The following FANCM variants were observed in gnomAD, a reference collection of about 807,000 sequenced individuals.
FANCM encodes the protein Fanconi anemia group M protein.
Under a neutral mutation model 199.5 loss-of-function variants are expected in FANCM, and 140 were observed. The observed-to-expected ratio is 0.70, with a 90% CI of 0.61 to 0.81. The LOEUF (loss-of-function observed/expected upper bound fraction) is 0.81, where lower values mean the gene tolerates loss of function less well. Among genes scored for constraint, FANCM ranks in the 30% least tolerant of loss-of-function variants. The probability of loss-of-function intolerance (pLI) is 0.00; values close to 1 mark genes in which losing one functional copy is unlikely to be tolerated. For missense variants in FANCM, 2,410 were observed against 2,421.4 expected, an observed-to-expected ratio of 1.00 and a Z score of 0.10; for synonymous variants, 840 against 836.8, an observed-to-expected ratio of 1.00 and a Z score of -0.07.
chr14:45,167,184 A>G (rs777646297), intron 11 of FANCM, 21 bp downstream of exon 11: 6 of 1,419,866 alleles, frequency 4.2e-6, no homozygotes, highest in East Asian at 2.3e-5. Flanking sequence ...TTTGCATTTG[A>G]CACATGCATT....
In FANCM at chr14:45,190,637, T is replaced by C. The variant is rs143058036; in HGVS notation, c.5340+1275T>C. ...CTACTTCTCTTTATCCCCAAGGTGT[T>C]TCATCACACTCTGCCTTAGCCACAT... On this transcript the variant is annotated intron_variant, in intron 20 of 22. Transcript: ENST00000267430. Among the ~76,000 whole-genome samples the C allele has an allele frequency of 3.1e-3, 465 of 152,228 alleles. 4 individuals are homozygous for C. The highest frequency in any genetic ancestry group is 0.011 in the African/African-American group (450 of 41,534).
In FANCM at chr14:45,137,085, C is replaced by T. The variant is rs1594751744; in HGVS notation, c.525C>T (p.Ser175=). 5 of 1,612,844 alleles carry T rather than the reference C, an allele frequency of 3.1e-6. No homozygotes were observed. The highest frequency in any genetic ancestry group is 1.7e-4 in the Middle Eastern group (1 of 6,036). The change falls in exon 2 of 23, where the codon TCC becomes TCT. Residue 175 remains serine, a synonymous_variant. Coordinates refer to ENST00000267430, the MANE Select transcript of FANCM (RefSeq NM_020937.4). Reference sequence around the variant, plus strand: ...TATTTTCAGGGTCTACACAAGCTTCCACCAGGAAGGAAATATGGTGCAGTA... The same window carrying T: ...TATTTTCAGGGTCTACACAAGCTTCTACCAGGAAGGAAATATGGTGCAGTA... The part of the protein sequence containing the change: ...MAEMTGSTQA[S]TRKEIWCSKR...
chr14:45,150,162 A>G (rs1329109261), intron 4 of FANCM, among the ~76,000 whole-genome samples: 1 of 152,244 alleles, frequency 6.6e-6, no homozygotes, highest in Non-Finnish European at 1.5e-5. Context: ...CTTAATCTAT[A>G]GTAAGCCTTT....
intron 18 of FANCM, among the ~76,000 whole-genome samples, chr14:45,186,236 GAGA>G (rs1205955529): frequency 6.6e-6 from 1 of 152,150 alleles, no homozygotes; most frequent in Admixed American, 6.5e-5. Context: ...AGGCCTCATT[GAGA>G]AGGTGACATC....
rs190025756 is a variant in FANCM at position 45,177,920 on chromosome 14, C to T, written c.4222+944C>T. ...AGATTGAGACCAGACCACAAAAAAT[C>T]AGAGAAATCTCTGGGTTTCTGTAAT... On this transcript the variant is annotated intron_variant, in intron 14 of 22. Coordinates refer to ENST00000267430, the MANE Select transcript of FANCM (RefSeq NM_020937.4). Among the ~76,000 whole-genome samples the T allele has an allele frequency of 3.6e-3, 552 of 152,220 alleles. 4 individuals carry two copies. Among genetic ancestry groups the T allele is most frequent in the African/African-American group, 0.013 (534 of 41,540 alleles).
chr14:45,141,253 A>G lies in FANCM; in HGVS notation c.759+544A>G, dbSNP rs1348836585. Among the ~76,000 whole-genome samples, 4 of 144,748 alleles carry G rather than the reference A, an allele frequency of 2.8e-5. No homozygotes were observed. The East Asian group carries it at 8.3e-4, about 30-fold the overall frequency. The allele number at this position is 144,748 out of a possible 152,430, so 95.0% of individuals were successfully genotyped here. A position where few individuals can be genotyped will look rare whatever the true frequency, so the allele number is the denominator to read the frequency against. ...CAATGAGCCAAGATCTAGCCACTGCACTCCAGCCTGGGCGACAGAGCGAGG... is the reference window on the plus strand; with the variant it reads ...CAATGAGCCAAGATCTAGCCACTGCGCTCCAGCCTGGGCGACAGAGCGAGG... On this transcript the variant is annotated intron_variant, in intron 3 of 22. Coordinates refer to ENST00000267430, the MANE Select transcript of FANCM (RefSeq NM_020937.4).
intron 20 of FANCM, among the ~76,000 whole-genome samples, chr14:45,192,469 C>A (rs1889821814): frequency 6.6e-6 from 1 of 152,168 alleles, no homozygotes; most frequent in Non-Finnish European, 1.5e-5. Flanking sequence ...CAGTGAAACT[C>A]CGTCACTACT....
intron 4 of FANCM, among the ~76,000 whole-genome samples, chr14:45,149,991 C>T (rs958323713): frequency 1.3e-5 from 2 of 152,114 alleles, no homozygotes; most frequent in Non-Finnish European, 2.9e-5. Flanking sequence ...TGTTAAGGAC[C>T]TGCTTAGACA....
In FANCM at chr14:45,175,378, T is replaced by C. The variant is rs1594797856; in HGVS notation, c.2624T>C (p.Ile875Thr). The part of the protein sequence containing the change: ...QLKKENNHGI[I>T]DSVDNDRNST... Reference sequence around the variant, plus strand: ...AAAAAAGAAAATAATCACGGTATTATAGATTCTGTAGATAATGACAGAAAT... The same window carrying C: ...AAAAAAGAAAATAATCACGGTATTACAGATTCTGTAGATAATGACAGAAAT... The change falls in exon 14 of 23, where the codon ATA becomes ACA. Residue 875 changes from isoleucine to threonine, a missense_variant. Ile to Thr is a moderately conservative substitution (Grantham distance 89). Transcript: ENST00000267430. 22 of 1,559,366 alleles carry C rather than the reference T, an allele frequency of 1.4e-5. No homozygotes were observed. The highest frequency in any genetic ancestry group is 1.7e-5 in the Non-Finnish European group (20 of 1,147,422).
At chr14:45,160,801 A>C (rs1887551096) in intron 9 of FANCM, among the ~76,000 whole-genome samples, 1 of 152,086 alleles carries the variant, frequency 6.6e-6, no homozygotes, top group Admixed American at 6.5e-5. Context: ...TCGGCCTCCC[A>C]AAGTGCTGGG....
Position 45,189,194 on chromosome 14 carries a change from T to A in FANCM, c.5172T>A (p.Val1724=), listed in dbSNP as rs1889606752. 6.2e-7 allele frequency: 1 copy of A among 1,614,174 alleles called. No homozygotes were observed. Among genetic ancestry groups the A allele is most frequent in the Non-Finnish European group, 8.5e-7 (1 of 1,180,026 alleles). The part of the protein sequence containing the change: ...AQSKVRSTPR[V]NPLAKQSKQT... Reference sequence around the variant, plus strand: ...CCAAGGTGCGTTCTACTCCAAGAGTTAATCCATTAGCAAAGCAGAGCAAAC... The same window carrying A: ...CCAAGGTGCGTTCTACTCCAAGAGTAAATCCATTAGCAAAGCAGAGCAAAC... The change falls in exon 20 of 23, where the codon GTT becomes GTA. Residue 1724 remains valine, a synonymous_variant. Coordinates refer to ENST00000267430, the MANE Select transcript of FANCM (RefSeq NM_020937.4).
chr14:45,143,053 A>G (rs1886088100), intron 3 of FANCM, among the ~76,000 whole-genome samples: 1 of 152,032 alleles, frequency 6.6e-6, no homozygotes, highest in African/African-American at 2.4e-5. Context: ...CTTCTGCAAT[A>G]AAGATTTTTT....
At chr14:45,151,347 G>A in intron 4 of FANCM, 50 bp from the exon 5 acceptor site, 1 of 1,549,990 alleles carries the variant, frequency 6.5e-7, no homozygotes, top group South Asian at 1.1e-5. Context: ...GATTGTACTT[G>A]AAAAAGGACT....
At position 45,173,173 on chromosome 14, in the gene FANCM, G is replaced by A; in HGVS notation, c.2279G>A (p.Gly760Asp). ...TCAGATCGATGCCGCCATTTTATAG[G>A]CCTTATGCAAATGATAGAGGGAATG... ...DHSDRCRHFI[G>D]LMQMIEGMRH... Residue 760 changes from glycine to aspartate, a missense_variant, in exon 13 of 23, where the codon GGC becomes GAC. Physicochemically the swap from Gly to Asp is moderately conservative, Grantham distance 94. Transcript: ENST00000267430. The A allele has an allele frequency of 6.2e-7, 1 of 1,613,842 alleles. No individual in the cohort carries two copies. Among genetic ancestry groups the A allele is most frequent in the Non-Finnish European group, 8.5e-7 (1 of 1,179,832 alleles).
chr14:45,188,479 C>T (rs1889549388), intron 19 of FANCM, among the ~76,000 whole-genome samples: 1 of 151,994 alleles, frequency 6.6e-6, no homozygotes, highest in Non-Finnish European at 1.5e-5. Context: ...TTATAAATTG[C>T]CATGTTCAGC....
intron 11 of FANCM, 146 bp from the exon 12 acceptor site, chr14:45,170,443 T>G: frequency 1.7e-6 from 1 of 583,382 alleles, no homozygotes; most frequent in South Asian, 1.9e-5. Flanking sequence ...GGAGGATTGC[T>G]TGAACCCAGG....
chr14:45,140,982 T>A (rs766030028), intron 3 of FANCM, among the ~76,000 whole-genome samples: 19 of 152,052 alleles, frequency 1.2e-4, no homozygotes, highest in Non-Finnish European at 2.5e-4. Flanking sequence ...GAGGCTGCAG[T>A]TAGCTATGAT....
chr14:45,149,024 T>A, intron 4 of FANCM, 29 bp downstream of exon 4: 1 of 1,545,336 alleles, frequency 6.5e-7, no homozygotes, highest in Non-Finnish European at 8.9e-7. Context: ...ATTTAGGGAT[T>A]TCATAAATAA....
In FANCM at chr14:45,175,184, C is replaced by T; in HGVS notation, c.2430C>T (p.Ile810=). Residue 810 remains isoleucine (I), a synonymous_variant, in exon 14 of 23, where the codon ATC becomes ATT. Transcript: ENST00000267430. The stretch of plus-strand genomic sequence containing the variant: ...ATAATCTTGCCAGTGACACCTTTAT[C>T]ACTCACAAGAAATCGTCATTTATAA... ...ESNNLASDTF[I]THKKSSFIKN... 6.2e-7 allele frequency: 1 copy of T among 1,609,978 alleles called. No individual in the cohort carries two copies. The highest frequency in any genetic ancestry group is 1.1e-5 in the South Asian group (1 of 90,814).
Sources: gnomAD v4.1 joint callset for allele counts (sites outside exome capture counted in the v4.1 genomes callset) on GRCh38, gnomAD v4.1.1 for gene constraint, MANE v1.5 for transcripts, NCBI Gene and HGNC (gene_info 2026-07-23, HGNC 2026-07-21) for gene names.